The following FHOD3 variants were observed in gnomAD, a reference collection of about 807,000 sequenced individuals.
FHOD3 encodes formin homology 2 domain containing 3, also known as FH1/FH2 domain-containing protein 3.
FHOD3 carries 90 observed loss-of-function variants against 173.0 expected under a neutral mutation model. That is an observed-to-expected ratio of 0.52 (90% CI 0.44 to 0.62). The LOEUF (loss-of-function observed/expected upper bound fraction) is 0.62. Ranked by LOEUF, FHOD3 falls within the 20% of genes least tolerant of loss-of-function variation. The pLI is 0.00. For missense variants in FHOD3, 1,945 were observed against 2,034.7 expected (o/e 0.96, Z 0.85); for synonymous variants, 828 against 823.0 (o/e 1.01, Z -0.10).
At chr18:36,298,174 C>G (rs891342564) in intron 1 of FHOD3, among the ~76,000 whole-genome samples, 174 bp downstream of exon 1, 1 of 152,082 alleles carries the variant, frequency 6.6e-6, no homozygotes, top group African/African-American at 2.4e-5. Flanking sequence ...TCGAGGCACC[C>G]GCTGGTTGGC....
intron 3 of FHOD3, among the ~76,000 whole-genome samples, chr18:36,440,438 G>A (rs2051070712): frequency 6.6e-6 from 1 of 152,202 alleles, no homozygotes; most frequent in African/African-American, 2.4e-5. Flanking sequence ...ACACGTCGGG[G>A]AGGGAAAGGG....
chr18:36,462,809 T>C (rs371218799), intron 3 of FHOD3, among the ~76,000 whole-genome samples: 1 of 152,296 alleles, frequency 6.6e-6, no homozygotes, highest in East Asian at 1.9e-4. Flanking sequence ...ATATATTTCA[T>C]AGAGATGGGA....
At chr18:36,777,198 CT>C (rs11294880) in intron 28 of FHOD3, among the ~76,000 whole-genome samples, 16,784 of 108,928 alleles carry the variant, frequency 0.15, 499 homozygotes, top group African/African-American at 0.23. Context: ...TCTTCTTTTT[CT>C]TTTTTTTTTT....
At chr18:36,633,686 T>TATGTG (rs1568525279) in intron 10 of FHOD3, among the ~76,000 whole-genome samples, 2 of 152,196 alleles carry the variant, frequency 1.3e-5, no homozygotes, top group African/African-American at 4.8e-5. Context: ...CTGAAAGTAC[T>TATGTG]CTCTGAATCT....
chr18:36,684,379 G>T (rs1402463893), intron 15 of FHOD3, among the ~76,000 whole-genome samples: 1 of 151,858 alleles, frequency 6.6e-6, no homozygotes, highest in Non-Finnish European at 1.5e-5. Context: ...ATTAAAAGAT[G>T]GCTAACCACA....
intron 3 of FHOD3, among the ~76,000 whole-genome samples, chr18:36,455,456 T>C (rs1375282311): frequency 2.0e-5 from 3 of 152,226 alleles, no homozygotes; most frequent in African/African-American, 7.2e-5. Flanking sequence ...TTTAATCCTA[T>C]CTATATATTA....
intron 1 of FHOD3, among the ~76,000 whole-genome samples, chr18:36,353,791 C>T (rs1598811923): frequency 6.6e-6 from 1 of 152,304 alleles, no homozygotes; most frequent in Admixed American, 6.5e-5. Context: ...TGAGTTAGCA[C>T]AGCAAAGGCT....
chr18:36,309,214 C>T (rs1434734161), intron 1 of FHOD3, among the ~76,000 whole-genome samples: 3 of 152,062 alleles, frequency 2.0e-5, no homozygotes, highest in Admixed American at 2.0e-4. Flanking sequence ...GGTGCTCTCA[C>T]TTGTACTGTT....
intron 1 of FHOD3, among the ~76,000 whole-genome samples, chr18:36,343,861 G>T (rs1222615836): frequency 6.6e-6 from 1 of 152,184 alleles, no homozygotes; most frequent in Non-Finnish European, 1.5e-5. Flanking sequence ...TACATGAAGT[G>T]TCTAGAGTAG....
At chr18:36,302,630 A>AGATAGAATGT (rs1452395021) in intron 1 of FHOD3, among the ~76,000 whole-genome samples, 7 of 152,252 alleles carry the variant, frequency 4.6e-5, no homozygotes, top group Non-Finnish European at 1.0e-4. Flanking sequence ...ATGTGCACTA[A>AGATAGAATGT]GTTGATTGAT....
At chr18:36,608,265 G>T (rs1401099033) in intron 8 of FHOD3, among the ~76,000 whole-genome samples, 1 of 152,212 alleles carries the variant, frequency 6.6e-6, no homozygotes, top group Non-Finnish European at 1.5e-5. Context: ...ATATCAAGAT[G>T]CTGGCATCTG....
intron 3 of FHOD3, among the ~76,000 whole-genome samples, chr18:36,405,456 C>T (rs1437946643): frequency 1.3e-5 from 2 of 152,158 alleles, no homozygotes; most frequent in African/African-American, 2.4e-5. Context: ...GTGTCAGGCT[C>T]GTATGAGCCA....
At chr18:36,409,224 G>C (rs1426948211) in intron 3 of FHOD3, among the ~76,000 whole-genome samples, 3 of 152,180 alleles carry the variant, frequency 2.0e-5, no homozygotes, top group African/African-American at 7.2e-5. Context: ...ATCTCCTTCA[G>C]CACCTGCCTT....
chr18:36,752,147 G>A (rs1181312057), intron 24 of FHOD3, among the ~76,000 whole-genome samples: 2 of 152,166 alleles, frequency 1.3e-5, no homozygotes, highest in Admixed American at 6.5e-5. Flanking sequence ...CACAAGAACA[G>A]GATGGGGGAT....
intron 8 of FHOD3, among the ~76,000 whole-genome samples, chr18:36,603,291 C>T (rs1386295382): frequency 5.9e-5 from 9 of 152,086 alleles, no homozygotes; most frequent in Non-Finnish European, 1.2e-4. Flanking sequence ...ATCACAGTGG[C>T]TGGAACCACA....
intron 3 of FHOD3, among the ~76,000 whole-genome samples, chr18:36,379,821 T>A (rs1417725387): frequency 6.6e-6 from 1 of 152,204 alleles, no homozygotes; most frequent in Non-Finnish European, 1.5e-5. Flanking sequence ...CCTTTGGCTG[T>A]CCCCATGAAG....
At chr18:36,411,099 G>A (rs1015697857) in intron 3 of FHOD3, among the ~76,000 whole-genome samples, 6 of 152,108 alleles carry the variant, frequency 3.9e-5, no homozygotes, top group African/African-American at 1.4e-4. Flanking sequence ...CCAAGGCCAT[G>A]AAGATTTACT....
intron 5 of FHOD3, among the ~76,000 whole-genome samples, chr18:36,561,753 A>G (rs1401539899): frequency 5.3e-5 from 8 of 152,026 alleles, no homozygotes; most frequent in Non-Finnish European, 1.2e-4. Context: ...TTCTTTGTAC[A>G]CTATCAATTT....
Position 36,324,965 on chromosome 18 carries a change from CATAGA to C in FHOD3, c.165+26974_165+26978del, listed in dbSNP as rs1265766294. Among the ~76,000 whole-genome samples, 6 of 152,234 alleles carry C rather than the reference CATAGA, an allele frequency of 3.9e-5. No homozygotes were observed. In the East Asian group the frequency reaches 5.8e-4, roughly 15 times the overall value. ...GTGGAATTGATACTTATAGAATATT[CATAGA>C]ATAGAATACTGTACAGCCCTGAAAA... is the stretch of plus-strand genomic sequence containing the variant. On this transcript the variant is annotated intron_variant, in intron 1 of 28. Coordinates refer to ENST00000590592, the MANE Select transcript of FHOD3 (RefSeq NM_001281740.3).
Sources: allele counts gnomAD v4.1 joint callset (sites outside exome capture counted in the v4.1 genomes callset), GRCh38; gene constraint gnomAD v4.1.1; transcripts MANE v1.5; gene names NCBI Gene and HGNC (gene_info 2026-07-23, HGNC 2026-07-21).